The following NFASC variants were observed in gnomAD, a reference collection of about 807,000 sequenced individuals.
NFASC encodes the protein neurofascin, also known as neurofascin homolog.
NFASC carries 43 observed loss-of-function variants against 147.5 expected under a neutral mutation model. The ratio of observed to expected loss-of-function variants is 0.29; its 90% CI spans 0.23 to 0.38. The LOEUF is 0.38. Ranked by LOEUF, NFASC falls within the 10% of genes least tolerant of loss-of-function variation. The pLI is 1.00. For synonymous variants in NFASC, 622 were observed against 665.5 expected (o/e 0.93, Z 1.01); for missense variants, 1,320 against 1,689.0 (o/e 0.78, Z 3.83).
intron 28 of NFASC, among the ~76,000 whole-genome samples, chr1:205,011,853 T>A (rs2096259709): frequency 6.6e-6 from 1 of 150,804 alleles, no homozygotes; most frequent in East Asian, 2.0e-4. Flanking sequence ...GCTGAATGGG[T>A]GGATCACCTG....
intron 1 of NFASC, among the ~76,000 whole-genome samples, chr1:204,918,401 T>G (rs180951047): frequency 3.9e-5 from 6 of 152,286 alleles, no homozygotes; most frequent in Admixed American, 2.0e-4. Flanking sequence ...GTGTATTCTA[T>G]GTGTGGCCCA....
intron 1 of NFASC, among the ~76,000 whole-genome samples, chr1:204,853,912 GAGAC>G (rs1478757587): frequency 6.6e-6 from 1 of 152,198 alleles, no homozygotes; most frequent in Admixed American, 6.5e-5. Context: ...GGGGAGGAAA[GAGAC>G]AGGCCACAAG....
rs1157568151 is a variant in NFASC, at chr1:204,968,142, A to G, written c.707-107A>G. On this transcript the variant is annotated intron_variant, in intron 8 of 29. Transcript: ENST00000339876. This position sits in a 1 kb window ranked among gnomAD's most constrained non-coding sequence, Gnocchi z 5.4. ...CCTTGGGATGGTTTCAGCTGGGAGG[A>G]TCCGGCAGGGGCGGTGATGCCACTT... The G allele has an allele frequency of 8.9e-6, 7 of 790,350 alleles. No homozygotes were observed. Among genetic ancestry groups the G allele is most frequent in the African/African-American group, 1.7e-5 (1 of 58,998 alleles). The allele number at this position is 790,350 out of a possible 1,614,324, so 49.0% of individuals were successfully genotyped here. A position where few individuals can be genotyped will look rare whatever the true frequency, so the allele number is the denominator to read the frequency against.
chr1:204,918,533 C>CA (rs1190101154), intron 1 of NFASC, among the ~76,000 whole-genome samples: 2 of 150,278 alleles, frequency 1.3e-5, no homozygotes, highest in African/African-American at 4.9e-5. Context: ...CAACTGGGCT[C>CA]AAAGGTTCAT....
chr1:204,986,166 A>C lies in NFASC; in HGVS notation c.2471-1252A>C. On this transcript the variant is annotated intron_variant, in intron 21 of 29. Transcript: ENST00000339876. This position sits in a 1 kb window ranked among gnomAD's most constrained non-coding sequence, Gnocchi z 4.2. The stretch of plus-strand genomic sequence containing the variant: ...GTGGGGCAGGAGAAGGGTGGCACAC[A>C]CCTTGGGCCTGGAGAAACTCCAGCG... 2 of 1,387,098 alleles carry C rather than the reference A, an allele frequency of 1.4e-6. No individual in the cohort carries two copies. Among genetic ancestry groups the C allele is most frequent in the Non-Finnish European group, 2.1e-6 (2 of 975,232 alleles). 85.9% of individuals were successfully genotyped at this position (1,387,098 alleles called of 1,614,324 possible).
chr1:205,012,721 A>C lies in NFASC; in HGVS notation c.3422-76A>C, dbSNP rs772480981. On this transcript the variant is annotated intron_variant, in intron 28 of 29. Coordinates refer to ENST00000339876, the MANE Select transcript of NFASC (RefSeq NM_001005388.3). ...CCAGGGCGGTGCCTTCTGGCCCTGC[A>C]TTCAGTGGAGCCCTAGAGAGCAGGG... 2.7e-6 allele frequency: 3 copies of C among 1,108,198 alleles called. No individual in the cohort carries two copies. In the Admixed American group the frequency reaches 5.1e-5, roughly 19 times the overall value. 68.6% of individuals were successfully genotyped at this position (1,108,198 alleles called of 1,614,324 possible).
At chr1:204,980,949 A>G (rs529536127) in intron 20 of NFASC, among the ~76,000 whole-genome samples, 4 of 152,338 alleles carry the variant, frequency 2.6e-5, no homozygotes, top group South Asian at 2.1e-4. Context: ...AGAAAATCCC[A>G]TCTTCATGCT....
Position 204,957,730 on chromosome 1 carries a change from C to T in NFASC, c.610C>T (p.Leu204=). Residue 204 remains leucine, a synonymous_variant, in exon 8 of 30, where the codon CTG becomes TTG. Transcript: ENST00000339876. ...NGDLYFSNVM[L]QDMQTDYSCN... The stretch of plus-strand genomic sequence containing the variant: ...AGACCTATACTTCTCCAACGTGATG[C>T]TGCAGGACATGCAGACCGACTACAG... 1 of 1,614,182 alleles carries T rather than the reference C, an allele frequency of 6.2e-7. No individual in the cohort carries two copies. The highest frequency in any genetic ancestry group is 8.5e-7 in the Non-Finnish European group (1 of 1,179,998).
intron 23 of NFASC, chr1:204,989,552 C>G (rs55729511): frequency 3.9e-5 from 6 of 152,240 alleles, no homozygotes; most frequent in African/African-American, 1.4e-4. Flanking sequence ...TGGGACCTCT[C>G]GAGGAGGCAA....
rs759900253 is a variant in NFASC at position 204,987,266 on chromosome 1, C to CT, written c.2471-151dup. ...GGATGGGGCAATGGGCTCCGGTCGTCTCACGGTTCTCCCAGGCTTCAGTTT... is the reference window on the plus strand; with the variant it reads ...GGATGGGGCAATGGGCTCCGGTCGTCTTCACGGTTCTCCCAGGCTTCAGTTT... On this transcript the variant is annotated intron_variant, in intron 21 of 29. Transcript: ENST00000339876. This position sits in a 1 kb window ranked among gnomAD's most constrained non-coding sequence, Gnocchi z 4.4. 6.4e-5 allele frequency: 45 copies of CT among 707,382 alleles called. No individual in the cohort carries two copies. Among genetic ancestry groups the CT allele is most frequent in the Non-Finnish European group, 1.1e-4 (45 of 423,334 alleles). The allele number at this position is 707,382 out of a possible 1,614,324, so 43.8% of individuals were successfully genotyped here.
intron 1 of NFASC, among the ~76,000 whole-genome samples, chr1:204,883,707 C>T (rs1261707054): frequency 6.6e-6 from 1 of 152,220 alleles, no homozygotes; most frequent in East Asian, 1.9e-4. Context: ...GGTCCTATCA[C>T]TGCTTAGTTC....
intron 1 of NFASC, among the ~76,000 whole-genome samples, chr1:204,884,708 C>T (rs1214948107): frequency 6.6e-6 from 1 of 152,130 alleles, no homozygotes; most frequent in African/African-American, 2.4e-5. Context: ...TGAGGTCGTG[C>T]ATATCAGCAG....
chr1:204,877,163 A>C (rs1370655364), intron 1 of NFASC, among the ~76,000 whole-genome samples: 3 of 147,376 alleles, frequency 2.0e-5, no homozygotes, highest in African/African-American at 7.5e-5. Flanking sequence ...TTAATAGATT[A>C]TAGGAGGAAA....
At chr1:204,983,988 C>T in intron 21 of NFASC, 2 of 1,442,984 alleles carry the variant, frequency 1.4e-6, no homozygotes, top group Non-Finnish European at 2.0e-6. Flanking sequence ...CTGTAGAGTC[C>T]TGCCTGCATA....
At chr1:204,828,852 G>T (rs1206253119) in intron 1 of NFASC, 70 bp downstream of exon 1, 1 of 965,364 alleles carries the variant, frequency 1.0e-6, no homozygotes, top group African/African-American at 1.8e-5. Context: ...ACACCCCCTT[G>T]TTCCCGCCCT....
At chr1:204,988,100 A>C (rs1056970390) in intron 22 of NFASC, among the ~76,000 whole-genome samples, 1 of 152,260 alleles carries the variant, frequency 6.6e-6, no homozygotes, top group Admixed American at 6.5e-5. Context: ...GGCCTTCAAA[A>C]GTAGGTAACG....
intron 1 of NFASC, among the ~76,000 whole-genome samples, chr1:204,854,337 C>T (rs1189575385): frequency 6.6e-6 from 1 of 152,088 alleles, no homozygotes. Flanking sequence ...GGAGCTGGCA[C>T]CTGGGAACTT....
In NFASC at chr1:204,979,679, C is replaced by G. The variant is rs1439897922; in HGVS notation, c.2176+120C>G. The G allele has an allele frequency of 1.1e-6, 1 of 870,486 alleles. No individual in the cohort carries two copies. Among genetic ancestry groups the G allele is most frequent in the Non-Finnish European group, 1.9e-6 (1 of 519,526 alleles). 53.9% of individuals were successfully genotyped at this position (870,486 alleles called of 1,614,324 possible). A position where few individuals can be genotyped will look rare whatever the true frequency, so the allele number is the denominator to read the frequency against. The stretch of plus-strand genomic sequence containing the variant: ...ACTTAACTTCTCCAAGGCCCGGCCT[C>G]ATCTGTGAGGCAGAGAGTAATAATA... On this transcript the variant is annotated intron_variant, in intron 19 of 29. Coordinates refer to ENST00000339876, the MANE Select transcript of NFASC (RefSeq NM_001005388.3). This position sits in a 1 kb window ranked among gnomAD's most constrained non-coding sequence, Gnocchi z 6.0.
At chr1:204,962,113 C>G (rs771889381) in intron 8 of NFASC, 51 of 1,613,248 alleles carry the variant, frequency 3.2e-5, no homozygotes, top group Non-Finnish European at 4.2e-5. Flanking sequence ...TACAGACCAC[C>G]CTTATAATGA....
Sources: gnomAD v4.1 joint callset for allele counts (sites outside exome capture counted in the v4.1 genomes callset) on GRCh38, gnomAD v4.1.1 for gene constraint, Gnocchi (gnomAD v3.1) non-coding constraint, MANE v1.5 for transcripts, NCBI Gene and HGNC (gene_info 2026-07-23, HGNC 2026-07-21) for gene names.